GSE1: variants seen among roughly 807,000 people sequenced by gnomAD.
The protein encoded by GSE1 is genetic suppressor element 1.
A neutral mutation model predicts 112.6 loss-of-function variants in GSE1; 32 were observed. The observed-to-expected ratio is 0.28, with a 90% CI of 0.21 to 0.38. The LOEUF is 0.38. Among genes scored for constraint, GSE1 ranks in the 10% least tolerant of loss-of-function variants. The probability of loss-of-function intolerance (pLI) is 1.00; values close to 1 mark genes in which losing one functional copy is unlikely to be tolerated. For missense variants in GSE1, 2,348 were observed against 1,699.2 expected (o/e 1.38, Z -6.71); for synonymous variants, 1,115 against 735.6 (o/e 1.52, Z -8.35).
chr16:85,366,388 T>C lies in GSE1; in HGVS notation c.2464+8745T>C, dbSNP rs138846557. 2.7e-3 allele frequency among the ~76,000 whole-genome samples: 419 copies of C among 152,378 alleles called. 2 individuals are homozygous for C. Among genetic ancestry groups the C allele is most frequent in the Admixed American group, 5.2e-3 (80 of 15,314 alleles). ...CCCACTCTGTCTCTGTCTCTCTTCA[T>C]ACGTTTCCAGCTGAGCTGGGATCCA... On this transcript the variant is annotated intron_variant, in intron 2 of 2. Transcript: ENST00000637419.
At chr16:85,632,508 A>T (rs1469275891) in intron 1 of GSE1, among the ~76,000 whole-genome samples, 1 of 152,204 alleles carries the variant, frequency 6.6e-6, no homozygotes, top group African/African-American at 2.4e-5. Flanking sequence ...TTCTGGGGAT[A>T]GCAGGTGGAC....
At chr16:85,361,150 A>G (rs964382362) in intron 2 of GSE1, among the ~76,000 whole-genome samples, 3 of 134,576 alleles carry the variant, frequency 2.2e-5, no homozygotes, top group African/African-American at 8.2e-5. Context: ...ACACAAACAC[A>G]CAGACACACA....
intron 2 of GSE1, among the ~76,000 whole-genome samples, chr16:85,510,204 C>T (rs1488917708): frequency 2.6e-5 from 4 of 152,174 alleles, no homozygotes; most frequent in Admixed American, 6.5e-5. Flanking sequence ...CTTTGTGAGC[C>T]GGCTTTTCAT....
intron 1 of GSE1, among the ~76,000 whole-genome samples, chr16:85,350,989 A>G (rs1261807861): frequency 6.6e-6 from 1 of 152,224 alleles, no homozygotes; most frequent in African/African-American, 2.4e-5. Flanking sequence ...CATGTTGGCC[A>G]GGCTGGTCTC....
intron 1 of GSE1, among the ~76,000 whole-genome samples, chr16:85,191,056 C>T (rs181104822): frequency 5.3e-5 from 8 of 152,284 alleles, no homozygotes; most frequent in Admixed American, 1.3e-4. Context: ...GCCATGAGTT[C>T]GACACCAGCC....
intron 1 of GSE1, among the ~76,000 whole-genome samples, chr16:85,207,253 C>A (rs1401199959): frequency 6.6e-6 from 1 of 152,252 alleles, no homozygotes; most frequent in Non-Finnish European, 1.5e-5. Context: ...CGGCCAGAAG[C>A]CCTGGCCTGG....
At chr16:85,545,353 A>C (rs1247919358) in intron 2 of GSE1, among the ~76,000 whole-genome samples, 1 of 152,218 alleles carries the variant, frequency 6.6e-6, no homozygotes, top group Admixed American at 6.5e-5. Flanking sequence ...GGGCAGCCCC[A>C]AAATGGAGGT....
intron 1 of GSE1, among the ~76,000 whole-genome samples, chr16:85,215,373 A>C (rs1246887502): frequency 6.6e-6 from 1 of 152,080 alleles, no homozygotes; most frequent in East Asian, 1.9e-4. Context: ...GGGCAGGCGG[A>C]GTGATATCAT....
intron 2 of GSE1, among the ~76,000 whole-genome samples, chr16:85,423,300 G>C (rs1295804674): frequency 1.3e-5 from 2 of 152,250 alleles, no homozygotes; most frequent in African/African-American, 4.8e-5. Context: ...CCTGGGTCAG[G>C]CTCCAGCCGG....
At position 85,506,963 on chromosome 16, in the gene GSE1, C is replaced by G. The variant is rs546413331; in HGVS notation, c.2465-126951C>G. 5.9e-5 allele frequency among the ~76,000 whole-genome samples: 9 copies of G among 152,298 alleles called. No individual in the cohort carries two copies. The South Asian group carries it at 1.9e-3, about 32-fold the overall frequency. On this transcript the variant is annotated intron_variant, in intron 2 of 2. Coordinates refer to the GSE1 transcript ENST00000637419. ...GGCATGGTCCATAGTTGCATGCACG[C>G]CACCCCGCAAGCTTGGAGTCCGTAG...
At chr16:85,559,518 C>T (rs2045410190) in intron 1 of GSE1, among the ~76,000 whole-genome samples, 1 of 152,232 alleles carries the variant, frequency 6.6e-6, no homozygotes, top group South Asian at 2.1e-4. Context: ...CCAGACACTG[C>T]AGGGAGCAAG....
At chr16:85,436,995 G>T (rs2049741280) in intron 2 of GSE1, among the ~76,000 whole-genome samples, 1 of 152,212 alleles carries the variant, frequency 6.6e-6, no homozygotes, top group Non-Finnish European at 1.5e-5. Context: ...ACGCGGCGGA[G>T]CCCGGGCAGA....
chr16:85,277,590 T>C (rs1446596546), intron 1 of GSE1, among the ~76,000 whole-genome samples: 1 of 152,196 alleles, frequency 6.6e-6, no homozygotes, highest in Non-Finnish European at 1.5e-5. Context: ...CCCTCCCGCC[T>C]ACCCACAGGT....
rs912460657 is a variant in GSE1, at chr16:85,634,116, G to C, written c.210G>C (p.Gln70His). The change falls in exon 2 of 16, where the codon CAG becomes CAC. Residue 70 changes from glutamine to histidine, a missense_variant. By Grantham distance (24) the Gln-to-His change is conservative (BLOSUM62 0). Coordinates refer to ENST00000253458, the MANE Select transcript of GSE1 (RefSeq NM_014615.5). ...CCGCGCTGCGCAAGCTCGCCAAACA[G>C]GCGGAGGAGCCCAGAGGTAAGGGGG... The part of the protein sequence containing the change: ...FAAALRKLAK[Q>H]AEEPRGSSLS... 4.5e-6 allele frequency: 7 copies of C among 1,544,284 alleles called. No homozygotes were observed. The highest frequency in any genetic ancestry group is 6.1e-6 in the Non-Finnish European group (7 of 1,151,254).
At chr16:85,225,982 C>T (rs1245066786) in intron 1 of GSE1, among the ~76,000 whole-genome samples, 1 of 152,100 alleles carries the variant, frequency 6.6e-6, no homozygotes, top group African/African-American at 2.4e-5. Context: ...TGGCTGGAGG[C>T]CTCAGTTCCT....
At chr16:85,620,946 T>G (rs2048696427) in intron 1 of GSE1, among the ~76,000 whole-genome samples, 1 of 151,188 alleles carries the variant, frequency 6.6e-6, no homozygotes, top group Non-Finnish European at 1.5e-5. Context: ...CGGCCATGGG[T>G]GTCTGCTGTG....
At position 85,666,025 on chromosome 16, in the gene GSE1, T is replaced by C; in HGVS notation, c.2808T>C (p.Val936=). 6.2e-7 allele frequency: 1 copy of C among 1,613,690 alleles called. No individual in the cohort carries two copies. Among genetic ancestry groups the C allele is most frequent in the Non-Finnish European group, 8.5e-7 (1 of 1,179,968 alleles). The change falls in exon 13 of 16, where the codon GTT becomes GTC. Residue 936 remains valine, a synonymous_variant. Transcript: ENST00000253458. The part of the protein sequence containing the change: ...ASLDVEKPVG[V]AASLSDIPKA... ...TGGATGTGGAGAAGCCGGTTGGTGT[T>C]GCTGCTTCCTTGTCTGACATCCCAA...
intron 2 of GSE1, among the ~76,000 whole-genome samples, chr16:85,533,905 T>G (rs9925303): frequency 0.56 from 85,085 of 151,732 alleles, 24,204 homozygotes; most frequent in East Asian, 0.77. Context: ...GAGGGGTGGT[T>G]TGCATTCAAC....
At chr16:85,496,398 A>G (rs1209331410) in intron 2 of GSE1, among the ~76,000 whole-genome samples, 1 of 152,268 alleles carries the variant, frequency 6.6e-6, no homozygotes, top group African/African-American at 2.4e-5. Context: ...CGAGATTCAC[A>G]GAGAGCAGAG....
Sources: gnomAD v4.1 joint callset for allele counts (sites outside exome capture counted in the v4.1 genomes callset) on GRCh38, gnomAD v4.1.1 for gene constraint, MANE v1.5 for transcripts, NCBI Gene and HGNC (gene_info 2026-07-23, HGNC 2026-07-21) for gene names.